TANC1: variants seen among roughly 807,000 people sequenced by gnomAD.
TANC1 encodes protein TANC1.
In TANC1, 77 loss-of-function variants were observed where a neutral mutation model predicts 149.7. The ratio of observed to expected loss-of-function variants is 0.51; its 90% CI spans 0.43 to 0.62. The LOEUF (loss-of-function observed/expected upper bound fraction) is 0.62, where lower values mean the gene tolerates loss of function less well. TANC1 is among the 20% of genes least tolerant of loss of function. TANC1 has a pLI of 0.00. For missense variants in TANC1, 1,985 were observed against 2,321.8 expected (o/e 0.85, Z 2.98); for synonymous variants, 854 against 925.0 (o/e 0.92, Z 1.39).
chr2:159,142,969 A>C (rs566215857), intron 5 of TANC1, among the ~76,000 whole-genome samples: 1 of 151,110 alleles, frequency 6.6e-6, no homozygotes, highest in South Asian at 2.1e-4. Flanking sequence ...AGGCTGAGGC[A>C]GGAGAATTGC....
intron 5 of TANC1, among the ~76,000 whole-genome samples, chr2:159,140,686 A>G (rs376222446): frequency 9.1e-6 from 1 of 109,802 alleles, no homozygotes; most frequent in Non-Finnish European, 1.8e-5. Flanking sequence ...GAGATTCTCT[A>G]TTTTTTTTTT....
At chr2:159,116,497 G>A (rs1414259311) in intron 4 of TANC1, among the ~76,000 whole-genome samples, 1 of 151,788 alleles carries the variant, frequency 6.6e-6, no homozygotes, top group Non-Finnish European at 1.5e-5. Flanking sequence ...TGGAAATATG[G>A]CAATTGATGA....
intron 5 of TANC1, among the ~76,000 whole-genome samples, chr2:159,144,795 A>G (rs1318852399): frequency 2.0e-5 from 3 of 152,214 alleles, no homozygotes; most frequent in Admixed American, 6.5e-5. Flanking sequence ...ACTTGTAAGT[A>G]GGAGTCATGG....
At chr2:159,179,498 C>T (rs2056245786) in intron 14 of TANC1, among the ~76,000 whole-genome samples, 1 of 152,026 alleles carries the variant, frequency 6.6e-6, no homozygotes, top group Non-Finnish European at 1.5e-5. Flanking sequence ...CAGGATCATG[C>T]ATGGGAATGT....
chr2:159,231,193 T>C lies in TANC1; in HGVS notation c.*181T>C. 1 of 552,230 alleles carries C rather than the reference T, an allele frequency of 1.8e-6. No homozygotes were observed. The highest frequency in any genetic ancestry group is 3.2e-6 in the Non-Finnish European group (1 of 314,372). 34.2% of individuals were successfully genotyped at this position (552,230 alleles called of 1,614,324 possible). A position where few individuals can be genotyped will look rare whatever the true frequency, so the allele number is the denominator to read the frequency against. ...CTTCTTTAATAGCTAGAAATCACCA[T>C]AAATAAGAATGCTAAACAGAATTGA... On this transcript the variant is annotated 3_prime_UTR_variant, in exon 27 of 27. Transcript: ENST00000263635.
chr2:159,225,562 C>T (rs996817432), intron 23 of TANC1, 126 bp from the exon 24 acceptor site: 4 of 716,466 alleles, frequency 5.6e-6, no homozygotes, highest in African/African-American at 5.3e-5. Context: ...CTCCCTCCCT[C>T]ATCGTGCTGT....
chr2:159,135,870 G>A (rs556162223), intron 4 of TANC1, among the ~76,000 whole-genome samples: 4 of 152,368 alleles, frequency 2.6e-5, no homozygotes, highest in Non-Finnish European at 5.9e-5. Flanking sequence ...CTTGACCAGT[G>A]AAGACAGCTG....
chr2:159,186,829 C>T lies in TANC1; in HGVS notation c.2620-73C>T, dbSNP rs73002963. On this transcript the variant is annotated intron_variant, in intron 15 of 26. Coordinates refer to ENST00000263635, the MANE Select transcript of TANC1 (RefSeq NM_033394.3). The stretch of plus-strand genomic sequence containing the variant: ...CGGCAGACCCACTTTCAGAGTGACC[C>T]TGCAGGTGGGAAGGAGATGCTCAGG... 1.8e-3 allele frequency: 2,814 copies of T among 1,599,072 alleles called. 46 individuals are homozygous for T. In the African/African-American group the frequency reaches 0.032, roughly 18 times the overall value.
At chr2:159,196,130 C>T (rs949641383) in intron 17 of TANC1, among the ~76,000 whole-genome samples, 1 of 152,218 alleles carries the variant, frequency 6.6e-6, no homozygotes, top group Admixed American at 6.5e-5. Flanking sequence ...TCCTTTCCTG[C>T]CCTTCCACAC....
intron 3 of TANC1, among the ~76,000 whole-genome samples, chr2:159,073,100 C>T (rs886585193): frequency 2.6e-5 from 4 of 152,114 alleles, no homozygotes; most frequent in Non-Finnish European, 4.4e-5. Context: ...AAAGGGATTT[C>T]GGGAGTTGGC....
intron 2 of TANC1, among the ~76,000 whole-genome samples, chr2:159,012,108 A>C (rs1277773944): frequency 6.6e-6 from 1 of 152,242 alleles, no homozygotes; most frequent in African/African-American, 2.4e-5. Flanking sequence ...AGGCAGACCC[A>C]TCCCACCCCT....
Position 159,144,406 on chromosome 2 carries a change from C to T in TANC1, c.365-4736C>T, listed in dbSNP as rs563658772. Among the ~76,000 whole-genome samples, 3 of 152,252 alleles carry T rather than the reference C, an allele frequency of 2.0e-5. No homozygotes were observed. The South Asian group carries it at 6.2e-4, about 32-fold the overall frequency. On this transcript the variant is annotated intron_variant, in intron 5 of 26. Coordinates refer to ENST00000263635, the MANE Select transcript of TANC1 (RefSeq NM_033394.3). Reference sequence around the variant, plus strand: ...TTTTTATTTTTCTGAGACGGAGTCTCGCTCTGTCTCTCAGGCTGGAGTACA... The same window carrying T: ...TTTTTATTTTTCTGAGACGGAGTCTTGCTCTGTCTCTCAGGCTGGAGTACA...
chr2:159,221,574 T>C (rs1300231938), intron 22 of TANC1, among the ~76,000 whole-genome samples: 1 of 152,170 alleles, frequency 6.6e-6, no homozygotes, highest in Non-Finnish European at 1.5e-5. Context: ...ATTCCACATA[T>C]AAGTGAGATC....
At chr2:159,042,324 A>T (rs1273748766) in intron 2 of TANC1, among the ~76,000 whole-genome samples, 1 of 152,110 alleles carries the variant, frequency 6.6e-6, no homozygotes, top group African/African-American at 2.4e-5. Context: ...GGCAGGATTG[A>T]CTTGGGCAGG....
chr2:159,185,251 G>A (rs2056865816), intron 14 of TANC1, among the ~76,000 whole-genome samples: 1 of 152,224 alleles, frequency 6.6e-6, no homozygotes, highest in Non-Finnish European at 1.5e-5. Flanking sequence ...GGGCAGGATG[G>A]CCCTTTCACA....
In TANC1 at chr2:159,231,939, T is replaced by C. The variant is rs193051244; in HGVS notation, c.*927T>C. Reference sequence around the variant, plus strand: ...GTTTTGTTGTACAATTAGTACTTTATAGTCACATGTTGTATATATTAAATA... The same window carrying C: ...GTTTTGTTGTACAATTAGTACTTTACAGTCACATGTTGTATATATTAAATA... On this transcript the variant is annotated 3_prime_UTR_variant, in exon 27 of 27. Coordinates refer to ENST00000263635, the MANE Select transcript of TANC1 (RefSeq NM_033394.3). The C allele has an allele frequency of 2.5e-3, 383 of 152,658 alleles. 7 individuals carry two copies. Among genetic ancestry groups the C allele is most frequent in the Non-Finnish European group, 5.4e-4 (37 of 68,026 alleles). The allele number at this position is 152,658 out of a possible 1,614,324, so 9.5% of individuals were successfully genotyped here.
intron 7 of TANC1, among the ~76,000 whole-genome samples, chr2:159,159,690 A>ATG (rs1438249868): frequency 3.4e-5 from 3 of 88,212 alleles, no homozygotes; most frequent in African/African-American, 1.1e-4. Context: ...GCATACACAT[A>ATG]CGTGTGTGTG....
At chr2:158,974,156 C>T (rs1206416705) in intron 1 of TANC1, among the ~76,000 whole-genome samples, 1 of 152,142 alleles carries the variant, frequency 6.6e-6, no homozygotes, top group Non-Finnish European at 1.5e-5. Context: ...TTCTGGTCCT[C>T]CTTGCTTCTT....
At chr2:159,148,509 A>C (rs1386051372) in intron 5 of TANC1, 1 of 152,248 alleles carries the variant, frequency 6.6e-6, no homozygotes, top group Non-Finnish European at 1.5e-5. Flanking sequence ...CATGGGCAAC[A>C]GTGGTACTGG....
Sources: allele counts gnomAD v4.1 joint callset (sites outside exome capture counted in the v4.1 genomes callset), GRCh38; gene constraint gnomAD v4.1.1; transcripts MANE v1.5; gene names NCBI Gene and HGNC (gene_info 2026-07-23, HGNC 2026-07-21).